Variants in TBC1D22A observed in about 807,000 individuals in gnomAD.
The protein encoded by TBC1D22A is TBC1 domain family member 22A, also known as putative GTPase activator.
A neutral mutation model predicts 60.2 loss-of-function variants in TBC1D22A; 38 were observed. That is an observed-to-expected ratio of 0.63 (90% CI 0.49 to 0.83). The LOEUF is 0.83. Among genes scored for constraint, TBC1D22A ranks in the 40% least tolerant of loss-of-function variants. TBC1D22A has a pLI of 0.00. For synonymous variants in TBC1D22A, 302 were observed against 281.7 expected, an observed-to-expected ratio of 1.07 and a Z score of -0.72; for missense variants, 628 against 701.0, an observed-to-expected ratio of 0.90 and a Z score of 1.18.
intron 4 of TBC1D22A, among the ~76,000 whole-genome samples, chr22:46,827,148 T>A (rs1288332197): frequency 6.6e-6 from 1 of 152,218 alleles, no homozygotes; most frequent in Non-Finnish European, 1.5e-5. Context: ...TCTTTGGTTA[T>A]AATCTGTGTC....
At chr22:47,070,239 G>T (rs1454498732) in intron 11 of TBC1D22A, among the ~76,000 whole-genome samples, 9 of 146,778 alleles carry the variant, frequency 6.1e-5, no homozygotes, top group East Asian at 4.3e-4. Context: ...CTGACCTGAC[G>T]GTTCCAGGCT....
intron 4 of TBC1D22A, among the ~76,000 whole-genome samples, chr22:46,830,333 G>A (rs1488140506): frequency 1.3e-5 from 2 of 152,242 alleles, no homozygotes; most frequent in Non-Finnish European, 2.9e-5. Context: ...CGAGCCCCTG[G>A]AGGGTAGGGC....
At chr22:47,020,739 C>A (rs2062058272) in intron 10 of TBC1D22A, among the ~76,000 whole-genome samples, 1 of 152,086 alleles carries the variant, frequency 6.6e-6, no homozygotes, top group Non-Finnish European at 1.5e-5. Flanking sequence ...TGCCATGGGT[C>A]ATCACCTGCC....
At chr22:46,957,400 GGC>G (rs1259115971) in intron 8 of TBC1D22A, among the ~76,000 whole-genome samples, 1 of 152,258 alleles carries the variant, frequency 6.6e-6, no homozygotes, top group East Asian at 1.9e-4. Context: ...CATGGTGGAA[GGC>G]GAAGGGAAAG....
intron 8 of TBC1D22A, among the ~76,000 whole-genome samples, chr22:46,947,102 G>A (rs1261665184): frequency 6.6e-6 from 1 of 151,962 alleles, no homozygotes; most frequent in Admixed American, 6.5e-5. Flanking sequence ...ATGTGGATGA[G>A]GTGATAGAGC....
In TBC1D22A at chr22:46,797,461, G is replaced by A. The variant is rs759900287; in HGVS notation, c.478G>A (p.Ala160Thr). The change falls in exon 4 of 13, where the codon GCC (alanine) becomes ACC (threonine). Residue 160 changes from alanine to threonine, a missense_variant. By Grantham distance (58) the Ala-to-Thr change is moderately conservative (BLOSUM62 0). Transcript: ENST00000337137. ...CCCTGCAGAAAGTGCCAGCGATGCC[G>A]CCCCTCTGCAGAGGTCCCAGTCTCT... ...SCPAESASDA[A>T]PLQRSQSLPH... 5 of 1,612,780 alleles carry A rather than the reference G, an allele frequency of 3.1e-6. No homozygotes were observed. The highest frequency in any genetic ancestry group is 3.3e-5 in the Admixed American group (2 of 59,976).
intron 4 of TBC1D22A, among the ~76,000 whole-genome samples, chr22:46,875,047 C>T (rs1339994747): frequency 6.6e-6 from 1 of 152,202 alleles, no homozygotes; most frequent in African/African-American, 2.4e-5. Context: ...CCAGCAGTTC[C>T]ACTCCTTCAC....
intron 1 of TBC1D22A, among the ~76,000 whole-genome samples, chr22:46,791,691 G>A (rs991347557): frequency 1.3e-5 from 2 of 152,184 alleles, no homozygotes; most frequent in South Asian, 2.1e-4. Flanking sequence ...TGTCTGCCAC[G>A]TGGGGTATTT....
At chr22:47,164,983 C>T (rs1601736616) in intron 12 of TBC1D22A, among the ~76,000 whole-genome samples, 1 of 152,120 alleles carries the variant, frequency 6.6e-6, no homozygotes, top group African/African-American at 2.4e-5. Context: ...GTTGTCATTT[C>T]GGGAGTAGGA....
At chr22:46,864,358 C>T (rs911935378) in intron 4 of TBC1D22A, among the ~76,000 whole-genome samples, 2 of 152,186 alleles carry the variant, frequency 1.3e-5, no homozygotes, top group South Asian at 4.1e-4. Context: ...GTTTGGGCTC[C>T]AGGGTCCTGC....
rs377647429 is a variant in TBC1D22A, at chr22:46,943,930, C to A, written c.1016-30360C>A. ...GCTGAATAATATTCCATATAGACCACGTCTTGTTTATCCATTCATCAATGG... is the reference window on the plus strand; with the variant it reads ...GCTGAATAATATTCCATATAGACCAAGTCTTGTTTATCCATTCATCAATGG... On this transcript the variant is annotated intron_variant, in intron 8 of 12. Coordinates refer to ENST00000337137, the MANE Select transcript of TBC1D22A (RefSeq NM_014346.5). Among the ~76,000 whole-genome samples the A allele has an allele frequency of 3.1e-4, 47 of 152,280 alleles. No individual in the cohort carries two copies. In the East Asian group the frequency reaches 4.6e-3, roughly 15 times the overall value.
At chr22:47,046,952 T>C (rs1390291509) in intron 11 of TBC1D22A, among the ~76,000 whole-genome samples, 1 of 151,736 alleles carries the variant, frequency 6.6e-6, no homozygotes. Flanking sequence ...CCACAAAGAG[T>C]GTACTTTCTT....
At position 46,997,651 on chromosome 22, in the gene TBC1D22A, C is replaced by G. The variant is rs1339746274; in HGVS notation, c.1143C>G (p.Ala381=). The G allele has an allele frequency of 1.9e-6, 3 of 1,613,910 alleles. No individual in the cohort carries two copies. Among genetic ancestry groups the G allele is most frequent in the South Asian group, 2.2e-5 (2 of 91,074 alleles). ...LDGIQDNYTF[A]QPGIQMKVKM... ...TTCCTTAGGACAACTACACCTTTGC[C>G]CAACCTGGGATTCAAATGAAAGTGA... Residue 381 remains alanine, a synonymous_variant, in exon 10 of 13, where the codon GCC becomes GCG. Transcript: ENST00000337137.
intron 4 of TBC1D22A, among the ~76,000 whole-genome samples, chr22:46,871,496 T>A (rs2067292668): frequency 6.6e-6 from 1 of 152,216 alleles, no homozygotes; most frequent in Admixed American, 6.5e-5. Context: ...AGGGTTGAAA[T>A]ACCACCAAAT....
intron 4 of TBC1D22A, among the ~76,000 whole-genome samples, chr22:46,809,841 C>T (rs2085307594): frequency 2.0e-5 from 3 of 152,264 alleles, no homozygotes; most frequent in Middle Eastern, 3.4e-3. Flanking sequence ...CCAGATTTTC[C>T]ACTGAGGCCA....
intron 4 of TBC1D22A, among the ~76,000 whole-genome samples, chr22:46,844,125 C>G (rs2086890960): frequency 2.0e-5 from 3 of 150,400 alleles, no homozygotes; most frequent in African/African-American, 7.4e-5. Flanking sequence ...GTAAGGCATG[C>G]TAGATGCTGG....
intron 8 of TBC1D22A, among the ~76,000 whole-genome samples, chr22:46,941,208 TAC>T (rs71315174): frequency 0.021 from 1,739 of 84,756 alleles, 54 homozygotes; most frequent in Middle Eastern, 0.11. Context: ...TATATATGTA[TAC>T]ACACACACAC....
chr22:46,987,375 G>C (rs1043294326), intron 9 of TBC1D22A, among the ~76,000 whole-genome samples: 1 of 152,172 alleles, frequency 6.6e-6, no homozygotes, highest in Non-Finnish European at 1.5e-5. Flanking sequence ...CTAGGAGCTT[G>C]TTAGTAGATG....
chr22:46,946,919 A>G (rs1967536438), intron 8 of TBC1D22A, among the ~76,000 whole-genome samples: 1 of 152,074 alleles, frequency 6.6e-6, no homozygotes, highest in African/African-American at 2.4e-5. Flanking sequence ...TTAGGGAGAG[A>G]TTTAAGCTGC....
Sources: allele counts gnomAD v4.1 joint callset (sites outside exome capture counted in the v4.1 genomes callset), GRCh38; gene constraint gnomAD v4.1.1; transcripts MANE v1.5; gene names NCBI Gene and HGNC (gene_info 2026-07-23, HGNC 2026-07-21).